Variants in FAT3 observed in about 807,000 individuals in gnomAD.
The protein encoded by FAT3 is protocadherin Fat 3.
A neutral mutation model predicts 310.2 loss-of-function variants in FAT3; 95 were observed. The observed-to-expected ratio is 0.31, with a 90% CI of 0.26 to 0.36. The LOEUF is 0.36. Ranked by LOEUF, FAT3 falls within the 10% of genes least tolerant of loss-of-function variation. The probability of loss-of-function intolerance (pLI) is 1.00; values close to 1 mark genes in which losing one functional copy is unlikely to be tolerated. For synonymous variants in FAT3, 2,314 were observed against 2,192.9 expected, an observed-to-expected ratio of 1.06 and a Z score of -1.54; for missense variants, 5,408 against 5,715.6, an observed-to-expected ratio of 0.95 and a Z score of 1.74.
At chr11:92,880,609 G>C in intron 22 of FAT3, 122 bp from the exon 23 acceptor site, 1 of 1,128,100 alleles carries the variant, frequency 8.9e-7, no homozygotes, top group Non-Finnish European at 1.2e-6. Flanking sequence ...AACCACCTTT[G>C]GAATTTGGGC....
At chr11:92,330,966 G>GT (rs1947903706) in intron 1 of FAT3, among the ~76,000 whole-genome samples, 1 of 93,750 alleles carries the variant, frequency 1.1e-5, no homozygotes, top group African/African-American at 6.7e-5. Flanking sequence ...GGAGTAAAGG[G>GT]TGTGTGTGTG....
At chr11:92,718,020 G>C (rs1944739477) in intron 4 of FAT3, among the ~76,000 whole-genome samples, 1 of 152,106 alleles carries the variant, frequency 6.6e-6, no homozygotes, top group African/African-American at 2.4e-5. Flanking sequence ...ATGCCCCCTT[G>C]GGTCTGGGCT....
intron 3 of FAT3, among the ~76,000 whole-genome samples, chr11:92,641,154 C>T (rs1941948837): frequency 6.6e-6 from 1 of 152,146 alleles, no homozygotes; most frequent in Non-Finnish European, 1.5e-5. Context: ...AAGATTGTAC[C>T]ACTGCACTCC....
At position 92,892,711 on chromosome 11, in the gene FAT3, C is replaced by T. The variant is rs1346716564; in HGVS notation, c.*1598C>T. ...CAGGCATGAGCCACCGTGCCCAGCC[C>T]AAAACTGTGCTTTTTAAAAACAGTA... On this transcript the variant is annotated 3_prime_UTR_variant, in exon 28 of 28. Coordinates refer to ENST00000525166, the MANE Select transcript of FAT3 (RefSeq NM_001367949.2). The T allele has an allele frequency of 6.6e-6, 1 of 152,110 alleles. No homozygotes were observed. Among genetic ancestry groups the T allele is most frequent in the Non-Finnish European group, 1.5e-5 (1 of 68,012 alleles). 9.4% of individuals were successfully genotyped at this position (152,110 alleles called of 1,614,324 possible).
At position 92,799,691 on chromosome 11, in the gene FAT3, C is replaced by T; in HGVS notation, c.6678C>T (p.Asp2226=). ...TCATATATATCATTATCGATGGGGA[C>T]CCTTTTAAACAGTTTAACATTGACT... ...QGIIYIIIDG[D]PFKQFNIDFD... The change falls in exon 10 of 28, where the codon GAC becomes GAT. Residue 2226 remains aspartate, a synonymous_variant. Coordinates refer to ENST00000525166, the MANE Select transcript of FAT3 (RefSeq NM_001367949.2). The T allele has an allele frequency of 6.2e-7, 1 of 1,613,340 alleles. No homozygotes were observed. The highest frequency in any genetic ancestry group is 8.5e-7 in the Non-Finnish European group (1 of 1,179,662).
chr11:92,424,559 T>C (rs924314424), intron 2 of FAT3, among the ~76,000 whole-genome samples: 2 of 152,132 alleles, frequency 1.3e-5, no homozygotes, highest in African/African-American at 4.8e-5. Flanking sequence ...GACTGACCAC[T>C]GATCACTATT....
intron 18 of FAT3, among the ~76,000 whole-genome samples, chr11:92,843,158 G>A (rs572512020): frequency 8.5e-5 from 13 of 152,244 alleles, no homozygotes; most frequent in South Asian, 6.2e-4. Context: ...CCCAGGCACC[G>A]GCTCTTTCAC....
At chr11:92,300,758 C>G (rs974238767) in intron 1 of FAT3, among the ~76,000 whole-genome samples, 1 of 152,134 alleles carries the variant, frequency 6.6e-6, no homozygotes, top group Non-Finnish European at 1.5e-5. Context: ...TTAGCTGCAG[C>G]TAGAATAGCA....
At chr11:92,796,227 C>T (rs576713199) in intron 9 of FAT3, among the ~76,000 whole-genome samples, 2 of 152,284 alleles carry the variant, frequency 1.3e-5, no homozygotes, top group African/African-American at 4.8e-5. Context: ...CAAGCTTGAA[C>T]GTTTACTCAT....
At chr11:92,473,716 A>G (rs1019446139) in intron 2 of FAT3, among the ~76,000 whole-genome samples, 3 of 152,360 alleles carry the variant, frequency 2.0e-5, no homozygotes, top group African/African-American at 4.8e-5. Context: ...CACCATGTAC[A>G]GAAGAGGACT....
At chr11:92,400,882 A>G (rs370181876) in intron 2 of FAT3, among the ~76,000 whole-genome samples, 11 of 152,162 alleles carry the variant, frequency 7.2e-5, no homozygotes, top group African/African-American at 2.2e-4. Context: ...AGAGAATACC[A>G]TAAAAACAAT....
In FAT3 at chr11:92,890,300, A is replaced by G. The variant is rs1949887291; in HGVS notation, c.13148-191A>G. Among the ~76,000 whole-genome samples the G allele has an allele frequency of 3.9e-5, 6 of 152,184 alleles. No homozygotes were observed. The South Asian group carries it at 1.2e-3, about 32-fold the overall frequency. ...GAGGCTCTGCAGCAACCAGGCATCA[A>G]CCTGTCAGAGTTGCCATCACCTTGT... On this transcript the variant is annotated intron_variant, in intron 27 of 27. Transcript: ENST00000525166.
intron 3 of FAT3, among the ~76,000 whole-genome samples, chr11:92,545,655 G>A (rs1954593312): frequency 1.3e-5 from 2 of 152,156 alleles, no homozygotes; most frequent in South Asian, 2.1e-4. Flanking sequence ...AACATGATAG[G>A]TGTTGGTAAA....
rs1470997676 is a variant in FAT3 at position 92,461,260 on chromosome 11, T to G, written c.3293-63374T>G. Among the ~76,000 whole-genome samples the G allele has an allele frequency of 2.6e-5, 4 of 152,132 alleles. No individual in the cohort carries two copies. The East Asian group carries it at 7.7e-4, about 29-fold the overall frequency. On this transcript the variant is annotated intron_variant, in intron 2 of 27. Coordinates refer to ENST00000525166, the MANE Select transcript of FAT3 (RefSeq NM_001367949.2). ...GGAGAGAGATAAGGGCTTCCCATGC[T>G]TTTTCTGCTGCCTATCACACTCTCC...
chr11:92,698,974 T>G (rs1185005227), intron 4 of FAT3, among the ~76,000 whole-genome samples: 1 of 152,114 alleles, frequency 6.6e-6, no homozygotes, highest in Non-Finnish European at 1.5e-5. Context: ...CATCAGGAGG[T>G]TTGTGGTGCA....
intron 13 of FAT3, among the ~76,000 whole-genome samples, chr11:92,822,720 T>C (rs961909891): frequency 6.6e-5 from 10 of 152,222 alleles, no homozygotes; most frequent in East Asian, 3.8e-4. Context: ...ATCCATTAAC[T>C]TAGGCCCAGT....
At position 92,354,500 on chromosome 11, in the gene FAT3, C is replaced by T; in HGVS notation, c.2388C>T (p.Leu796=). Residue 796 remains leucine (L), a synonymous_variant, in exon 2 of 28, where the codon CTC becomes CTT. Transcript: ENST00000525166. ...LMPMDREHTD[L]YLLNITIYDL... is the part of the protein sequence containing the mutation. ...CCATGGATCGAGAACACACAGACCT[C>T]TATCTCCTTAATATCACCATCTATG... The T allele has an allele frequency of 1.2e-6, 2 of 1,613,870 alleles. No homozygotes were observed. Among genetic ancestry groups the T allele is most frequent in the Non-Finnish European group, 1.7e-6 (2 of 1,179,876 alleles).
At chr11:92,606,753 A>C (rs969392735) in intron 3 of FAT3, among the ~76,000 whole-genome samples, 1 of 152,202 alleles carries the variant, frequency 6.6e-6, no homozygotes, top group Non-Finnish European at 1.5e-5. Context: ...AAATCAGTAA[A>C]CTGTGGAACT....
In FAT3 at chr11:92,843,986, G is replaced by A. The variant is rs771982592; in HGVS notation, c.10619G>A (p.Arg3540Gln). Residue 3540 changes from arginine (R) to glutamine (Q), a missense_variant, in exon 19 of 28, where the codon CGA (arginine) becomes CAA (glutamine). By Grantham distance (43) the Arg-to-Gln change is conservative (BLOSUM62 1). Coordinates refer to ENST00000525166, the MANE Select transcript of FAT3 (RefSeq NM_001367949.2). Reference sequence around the variant, plus strand: ...GTTTCTCACACTTACATCCGCGTGCGAGTCATTGAGGAAAGCACCCACAAG... The same window carrying A: ...GTTTCTCACACTTACATCCGCGTGCAAGTCATTGAGGAAAGCACCCACAAG... ...QQVSHTYIRV[R>Q]VIEESTHKPT... 2.0e-5 allele frequency: 32 copies of A among 1,613,520 alleles called. No homozygotes were observed. The highest frequency in any genetic ancestry group is 4.5e-5 in the East Asian group (2 of 44,872).
Sources: allele counts gnomAD v4.1 joint callset (sites outside exome capture counted in the v4.1 genomes callset), GRCh38; gene constraint gnomAD v4.1.1; transcripts MANE v1.5; gene names NCBI Gene and HGNC (gene_info 2026-07-23, HGNC 2026-07-21).